ALKBH3: variants seen among roughly 807,000 people sequenced by gnomAD.
ALKBH3 encodes alkB homolog 3, alpha-ketoglutarate dependent dioxygenase.
Under a neutral mutation model 43.9 loss-of-function variants are expected in ALKBH3, and 51 were observed. The observed-to-expected ratio is 1.16, with a 90% CI of 0.93 to 1.47. The LOEUF (loss-of-function observed/expected upper bound fraction) is 1.47, where lower values mean the gene tolerates loss of function less well. Ranked by LOEUF, ALKBH3 falls within the 40% of genes most tolerant of loss-of-function variation. The pLI is 0.00. For synonymous variants in ALKBH3, 102 were observed against 115.2 expected, an observed-to-expected ratio of 0.89 and a Z score of 0.73; for missense variants, 361 against 351.9, an observed-to-expected ratio of 1.03 and a Z score of -0.21.
chr11:43,897,928 T>C (rs1360390035), intron 7 of ALKBH3: 2 of 782,576 alleles, frequency 2.6e-6, no homozygotes, highest in Non-Finnish European at 4.7e-6. Flanking sequence ...TATTGAATAC[T>C]ACCTTCGCCA....
At chr11:43,899,356 C>A (rs2135189990) in intron 7 of ALKBH3, 1 of 696,596 alleles carries the variant, frequency 1.4e-6, no homozygotes, top group Non-Finnish European at 2.7e-6. Flanking sequence ...GCACCATCAG[C>A]AGCCTGCCCC....
chr11:43,903,495 G>A (rs777268668), intron 8 of ALKBH3, among the ~76,000 whole-genome samples: 8 of 152,168 alleles, frequency 5.3e-5, no homozygotes, highest in Non-Finnish European at 8.8e-5. Context: ...TCCTGAGACC[G>A]GGGGCCGTAG....
At chr11:43,916,127 A>G (rs1951981922) in intron 8 of ALKBH3, among the ~76,000 whole-genome samples, 1 of 152,250 alleles carries the variant, frequency 6.6e-6, no homozygotes, top group Non-Finnish European at 1.5e-5. Flanking sequence ...AAAACTCCAA[A>G]TCTCATACAG....
intron 7 of ALKBH3, chr11:43,898,418 G>T (rs1951835399): frequency 1.4e-6 from 1 of 723,760 alleles, no homozygotes. Context: ...TACACGGGAG[G>T]CTGGCATCAT....
Position 43,884,025 on chromosome 11 carries a change from A to G in ALKBH3, c.218+8A>G. ...TGAGCCACGAGTGATTGAGTAAGTA[A>G]TTTGCTGTCTTCCTGTAATTGTTGC... On this transcript the variant is annotated splice_region_variant and intron_variant, in intron 4 of 9. Transcript: ENST00000302708. 6.2e-7 allele frequency: 1 copy of G among 1,613,834 alleles called. No individual in the cohort carries two copies. Among genetic ancestry groups the G allele is most frequent in the South Asian group, 1.1e-5 (1 of 91,058 alleles).
intron 7 of ALKBH3, chr11:43,898,157 A>C (rs541395893): frequency 2.5e-6 from 3 of 1,223,948 alleles, no homozygotes; most frequent in Non-Finnish European, 3.6e-6. Flanking sequence ...GATGCTGACT[A>C]CATCAAGAGA....
chr11:43,919,255 A>G, intron 9 of ALKBH3, 119 bp downstream of exon 9: 1 of 816,548 alleles, frequency 1.2e-6, no homozygotes, highest in Non-Finnish European at 2.0e-6. Flanking sequence ...GCAAGAGGGA[A>G]TGAGCTGACA....
chr11:43,901,743 C>T lies in ALKBH3; in HGVS notation c.669+18C>T. On this transcript the variant is annotated intron_variant, in intron 8 of 9. Transcript: ENST00000302708. The stretch of plus-strand genomic sequence containing the variant: ...CACCACCAGTGAGTATTCTCTTTTT[C>T]TTATGCTCTTCCTGCCTCTTATTAG... 6.2e-7 allele frequency: 1 copy of T among 1,612,402 alleles called. No homozygotes were observed. Among genetic ancestry groups the T allele is most frequent in the Non-Finnish European group, 8.5e-7 (1 of 1,178,582 alleles).
intron 7 of ALKBH3, among the ~76,000 whole-genome samples, chr11:43,893,472 A>C (rs1448357967): frequency 6.6e-6 from 1 of 152,260 alleles, no homozygotes; most frequent in African/African-American, 2.4e-5. Flanking sequence ...TCTTCAAAAT[A>C]ATTTATGACA....
In ALKBH3 at chr11:43,886,612, G is replaced by C. The variant is rs774247844; in HGVS notation, c.225G>C (p.Glu75Asp). Residue 75 changes from glutamate (E) to aspartate (D), a missense_variant, in exon 5 of 10, where the codon GAG becomes GAC. By Grantham distance (45) the Glu-to-Asp change is conservative (BLOSUM62 2). Transcript: ENST00000302708. ...RAPEPRVIDR[E>D]GVYEISLSPT... Reference sequence around the variant, plus strand: ...GTTTCCTTTGTTTCTTTAGCAGAGAGGGTGTGTATGAAATCAGCCTGTCAC... The same window carrying C: ...GTTTCCTTTGTTTCTTTAGCAGAGACGGTGTGTATGAAATCAGCCTGTCAC... 2 of 1,614,142 alleles carry C rather than the reference G, an allele frequency of 1.2e-6. No homozygotes were observed. The highest frequency in any genetic ancestry group is 8.5e-7 in the Non-Finnish European group (1 of 1,179,994).
intron 5 of ALKBH3, 96 bp from the exon 6 acceptor site, chr11:43,889,629 T>C: frequency 1.0e-6 from 1 of 994,538 alleles, no homozygotes; most frequent in Admixed American, 1.9e-5. Context: ...ATGTACCCAT[T>C]AGAGGCTGCA....
intron 7 of ALKBH3, among the ~76,000 whole-genome samples, chr11:43,892,688 G>A (rs1261670132): frequency 6.6e-6 from 1 of 152,192 alleles, no homozygotes; most frequent in Non-Finnish European, 1.5e-5. Flanking sequence ...CTCATCCAGG[G>A]GATAGAGTTA....
intron 8 of ALKBH3, among the ~76,000 whole-genome samples, chr11:43,904,674 A>G (rs11037727): frequency 0.24 from 36,037 of 152,056 alleles, 4,776 homozygotes; most frequent in Admixed American, 0.4. Flanking sequence ...ATATACCTTA[A>G]AGTGCATCAT....
intron 4 of ALKBH3, among the ~76,000 whole-genome samples, chr11:43,884,489 G>A (rs1951734636): frequency 6.7e-6 from 1 of 150,154 alleles, no homozygotes; most frequent in Non-Finnish European, 1.5e-5. Flanking sequence ...TTAAATGATA[G>A]TAAACATTCT....
Position 43,901,711 on chromosome 11 carries a change from A to C in ALKBH3, c.655A>C (p.Lys219Gln). 1 of 1,614,240 alleles carries C rather than the reference A, an allele frequency of 6.2e-7. No homozygotes were observed. The highest frequency in any genetic ancestry group is 8.5e-7 in the Non-Finnish European group (1 of 1,180,024). ...FGATRTFEMR[K>Q]KPPPEENGDY... ...TGCCACACGCACATTTGAGATGAGAAAGAAGCCACCACCAGTGAGTATTCT... is the reference window on the plus strand; with the variant it reads ...TGCCACACGCACATTTGAGATGAGACAGAAGCCACCACCAGTGAGTATTCT... The change falls in exon 8 of 10, where the codon AAG becomes CAG. Residue 219 changes from lysine (K) to glutamine (Q), a missense_variant. Lys to Gln is a moderately conservative substitution (Grantham distance 53). Coordinates refer to ENST00000302708, the MANE Select transcript of ALKBH3 (RefSeq NM_139178.4).
At chr11:43,909,804 A>G (rs1951923614) in intron 8 of ALKBH3, 1 of 152,208 alleles carries the variant, frequency 6.6e-6, no homozygotes, top group Non-Finnish European at 1.5e-5. Flanking sequence ...CCCTGCAGAT[A>G]TCCTGACATC....
intron 7 of ALKBH3, chr11:43,898,561 T>C (rs535453828): frequency 2.3e-5 from 18 of 768,960 alleles, no homozygotes; most frequent in Non-Finnish European, 4.1e-5. Flanking sequence ...GCTAAGGCGA[T>C]GTGAAGAGAA....
At chr11:43,909,425 C>A (rs1000326399) in intron 8 of ALKBH3, 1 of 152,202 alleles carries the variant, frequency 6.6e-6, no homozygotes, top group Non-Finnish European at 1.5e-5. Flanking sequence ...AGAGGAACAA[C>A]TTTGCAGCCC....
At chr11:43,901,406 C>A in intron 7 of ALKBH3, 110 bp from the exon 8 acceptor site, 3 of 1,211,336 alleles carry the variant, frequency 2.5e-6, no homozygotes, top group Non-Finnish European at 3.5e-6. Context: ...TTATTACATG[C>A]CCTGGTTATA....
Sources: gnomAD v4.1 joint callset for allele counts (sites outside exome capture counted in the v4.1 genomes callset) on GRCh38, gnomAD v4.1.1 for gene constraint, MANE v1.5 for transcripts, NCBI Gene and HGNC (gene_info 2026-07-23, HGNC 2026-07-21) for gene names.